Variants in NMD3 observed in about 807,000 individuals in gnomAD.
The protein encoded by NMD3 is NMD3 ribosome export adaptor.
In NMD3, 47 loss-of-function variants were observed where a neutral mutation model predicts 73.1. The ratio of observed to expected loss-of-function variants is 0.64; its 90% CI spans 0.51 to 0.82. The LOEUF is 0.82. NMD3 is among the 40% of genes least tolerant of loss of function. The pLI, the probability that NMD3 is intolerant of heterozygous loss-of-function variation, is 0.00. For missense variants in NMD3, 554 were observed against 612.5 expected (o/e 0.90, Z 1.01); for synonymous variants, 210 against 194.5 (o/e 1.08, Z -0.66).
intron 15 of NMD3, 42 bp from the exon 16 acceptor site, chr3:161,250,738 T>C (rs371550977): frequency 1.5e-6 from 2 of 1,311,454 alleles, no homozygotes; most frequent in African/African-American, 3.0e-5. Flanking sequence ...TGTATACATA[T>C]AAATACTTTG....
rs1024257405 is a variant in NMD3 at position 161,251,399 on chromosome 3, A to G, written c.*489A>G. The stretch of plus-strand genomic sequence containing the variant: ...ATTTTTATGTTGTTGAGGTAGGGAA[A>G]TTAGGGTTCAGTTTATCACTGGACA... On this transcript the variant is annotated 3_prime_UTR_variant, in exon 16 of 16. Transcript: ENST00000351193. 2.6e-5 allele frequency: 4 copies of G among 152,158 alleles called. No individual in the cohort carries two copies. Among genetic ancestry groups the G allele is most frequent in the Non-Finnish European group, 5.9e-5 (4 of 68,028 alleles). The allele number at this position is 152,158 out of a possible 1,614,324, so 9.4% of individuals were successfully genotyped here.
chr3:161,247,272 A>C lies in NMD3; in HGVS notation c.1145A>C (p.Asn382Thr), dbSNP rs560349295. ...TTACATTTCAGGTTTGATTTGGCCA[A>C]CTGTAACTTAAATGATGAGCATGTC... ...GDLVLGFDLA[N>T]CNLNDEHVNK... Residue 382 changes from asparagine to threonine, a missense_variant, in exon 13 of 16, where the codon AAC becomes ACC. Coordinates refer to ENST00000351193, the MANE Select transcript of NMD3 (RefSeq NM_015938.5). The C allele has an allele frequency of 6.2e-7, 1 of 1,610,034 alleles. No homozygotes were observed. The highest frequency in any genetic ancestry group is 2.2e-5 in the East Asian group (1 of 44,742).
At chr3:161,224,436 TG>T (rs1019744199) in intron 2 of NMD3, among the ~76,000 whole-genome samples, 2 of 152,208 alleles carry the variant, frequency 1.3e-5, no homozygotes, top group African/African-American at 4.8e-5. Context: ...TTTTTGCCCC[TG>T]TATTACAGGG....
chr3:161,249,935 A>G (rs920012807), intron 14 of NMD3, among the ~76,000 whole-genome samples: 3 of 152,198 alleles, frequency 2.0e-5, no homozygotes, highest in African/African-American at 7.2e-5. Flanking sequence ...TTACATTATG[A>G]ATATCACAAA....
intron 7 of NMD3, 119 bp downstream of exon 7, chr3:161,235,331 G>GCA: frequency 2.6e-6 from 1 of 385,962 alleles, no homozygotes. Context: ...CTTTCTGTTA[G>GCA]GAAAAAAAAA....
Position 161,227,296 on chromosome 3 carries a change from G to T in NMD3, c.229G>T (p.Glu77Ter). The T allele has an allele frequency of 1.2e-6, 2 of 1,608,532 alleles. No homozygotes were observed. Among genetic ancestry groups the T allele is most frequent in the South Asian group, 1.1e-5 (1 of 90,770 alleles). Reference sequence around the variant, plus strand: ...GATACAGTGTGCTTTAGAATCCAGGGAACTTCTTGCTTTGTGCTTGAAAAA... The same window carrying T: ...GATACAGTGTGCTTTAGAATCCAGGTAACTTCTTGCTTTGTGCTTGAAAAA... ...TWIQCALESRELLALCLKKIK... is the reference protein window; with the variant it reads ...TWIQCALESR Residue 77 changes from glutamate to a stop codon, truncating the protein, a stop_gained, in exon 4 of 16, where the codon GAA becomes TAA. Transcript: ENST00000351193. LOFTEE classifies it high-confidence loss of function.
At chr3:161,252,373 AAT>A (rs1737525679), downstream of NMD3, 1 of 152,610 alleles carries the variant, frequency 6.6e-6, no homozygotes, top group Non-Finnish European at 1.5e-5. Flanking sequence ...TAGAATTGTT[AAT>A]GTTATTTAAG....
At chr3:161,250,440 C>A in intron 15 of NMD3, 114 bp downstream of exon 15, 2 of 645,704 alleles carry the variant, frequency 3.1e-6, no homozygotes, top group Non-Finnish European at 5.3e-6. Flanking sequence ...ATTGTTTTTT[C>A]AACTACTCTA....
intron 7 of NMD3, among the ~76,000 whole-genome samples, chr3:161,237,127 G>A (rs768693428): frequency 7.9e-5 from 12 of 152,062 alleles, no homozygotes; most frequent in African/African-American, 2.7e-4. Flanking sequence ...TTCCTTTCTT[G>A]ATTTCTAGTG....
intron 12 of NMD3, among the ~76,000 whole-genome samples, chr3:161,247,015 G>GTTTTGC (rs1204945030): frequency 6.6e-6 from 1 of 151,910 alleles, no homozygotes; most frequent in African/African-American, 2.4e-5. Flanking sequence ...ATGTAAGTCT[G>GTTTTGC]TTTTGCTTTT....
chr3:161,230,135 A>G (rs750414925), intron 4 of NMD3, among the ~76,000 whole-genome samples: 49 of 152,032 alleles, frequency 3.2e-4, no homozygotes, highest in Non-Finnish European at 5.1e-4. Flanking sequence ...GTCTTGCTTT[A>G]TTGCTCAGGC....
intron 11 of NMD3, among the ~76,000 whole-genome samples, chr3:161,243,893 A>G (rs1460919026): frequency 6.6e-6 from 1 of 152,104 alleles, no homozygotes; most frequent in Non-Finnish European, 1.5e-5. Context: ...CCAGCAAGCA[A>G]TCTGTGGCTT....
In NMD3 at chr3:161,221,958, CTTTTTTT is replaced by C. The variant is rs376329329; in HGVS notation, c.-20-12_-20-6del. Reference sequence around the variant, plus strand: ...AAAGTGATTTAAATCCCAACATTCTCTTTTTTTTTTTTTTTTTTTTTTTTTTTTTTAA... The same window carrying C: ...AAAGTGATTTAAATCCCAACATTCTCTTTTTTTTTTTTTTTTTTTTTTTAA... On this transcript the variant is annotated intron_variant, in intron 1 of 15. Coordinates refer to ENST00000351193, the MANE Select transcript of NMD3 (RefSeq NM_015938.5). 6.5e-3 allele frequency: 5,662 copies of C among 867,012 alleles called. 39 individuals carry two copies. Among genetic ancestry groups the C allele is most frequent in the African/African-American group, 0.024 (1,138 of 46,892 alleles). The allele number at this position is 867,012 out of a possible 1,614,324, so 53.7% of individuals were successfully genotyped here.
intron 7 of NMD3, among the ~76,000 whole-genome samples, chr3:161,237,570 T>TAAGA (rs1385275010): frequency 2.7e-5 from 4 of 148,508 alleles, no homozygotes; most frequent in African/African-American, 1.0e-4. Context: ...CATGAAGTCT[T>TAAGA]GCTCTGTCAC....
chr3:161,224,216 G>A (rs1419015583), intron 2 of NMD3, among the ~76,000 whole-genome samples: 1 of 151,978 alleles, frequency 6.6e-6, no homozygotes, highest in Non-Finnish European at 1.5e-5. Flanking sequence ...ATGTAAATTT[G>A]AATTAAAAAA....
chr3:161,247,753 C>T (rs1478900442), intron 13 of NMD3, among the ~76,000 whole-genome samples: 3 of 149,234 alleles, frequency 2.0e-5, no homozygotes, highest in African/African-American at 7.4e-5. Flanking sequence ...TGCGCCGTTG[C>T]ACTCCAGGCT....
intron 4 of NMD3, among the ~76,000 whole-genome samples, chr3:161,231,697 G>A (rs1736550678): frequency 1.3e-5 from 2 of 152,140 alleles, no homozygotes; most frequent in African/African-American, 2.4e-5. Flanking sequence ...GCTGTCTGGT[G>A]CCTGGTCCAG....
rs145413697 is a variant in NMD3, at chr3:161,251,872, C to T, written c.*962C>T. 2.1e-3 allele frequency: 327 copies of T among 152,256 alleles called. 1 individual carries two copies. The highest frequency in any genetic ancestry group is 7.2e-3 in the African/African-American group (298 of 41,554). 9.4% of individuals were successfully genotyped at this position (152,256 alleles called of 1,614,324 possible). ...TCCTTGAAAGAAAAACTGTGGCTTA[C>T]GTTTTGAAGTATTCTGAGAATGAAG... On this transcript the variant is annotated 3_prime_UTR_variant, in exon 16 of 16. Transcript: ENST00000351193.
intron 6 of NMD3, 30 bp from the exon 7 acceptor site, chr3:161,235,092 C>A: frequency 8.5e-7 from 1 of 1,174,934 alleles, no homozygotes; most frequent in South Asian, 1.4e-5. Context: ...TTTTGTGGGG[C>A]ATTTATTGAT....
Sources: gnomAD v4.1 joint callset for allele counts (sites outside exome capture counted in the v4.1 genomes callset) on GRCh38, gnomAD v4.1.1 for gene constraint, MANE v1.5 for transcripts, NCBI Gene and HGNC (gene_info 2026-07-23, HGNC 2026-07-21) for gene names.